RALGAPA1: variants seen among roughly 807,000 people sequenced by gnomAD.
The protein encoded by RALGAPA1 is Ral GTPase activating protein catalytic subunit alpha 1, also known as ral GTPase-activating protein subunit alpha-1.
A neutral mutation model predicts 269.6 loss-of-function variants in RALGAPA1; 52 were observed. The observed-to-expected ratio is 0.19, with a 90% confidence interval of 0.15 to 0.24. The LOEUF (loss-of-function observed/expected upper bound fraction) is 0.24. Among genes scored for constraint, RALGAPA1 ranks in the 10% least tolerant of loss-of-function variants. The probability of loss-of-function intolerance (pLI) is 1.00; values close to 1 mark genes in which losing one functional copy is unlikely to be tolerated. For synonymous variants in RALGAPA1, 817 were observed against 1,008.3 expected, an observed-to-expected ratio of 0.81 and a Z score of 3.60; for missense variants, 1,917 against 3,013.9, an observed-to-expected ratio of 0.64 and a Z score of 8.52.
At position 35,695,174 on chromosome 14, in the gene RALGAPA1, A is replaced by G. The variant is rs188183036; in HGVS notation, c.2407+4988T>C. On this transcript the variant is annotated intron_variant, in intron 17 of 41. Coordinates refer to ENST00000680220, the MANE Select transcript of RALGAPA1 (RefSeq NM_001346249.2). ...CTGGAGCCCAGGAGTTCCAGGCTGC[A>G]GTAAGCTAGGATGGCACCACAGCAA... 1.4e-3 allele frequency among the ~76,000 whole-genome samples: 213 copies of G among 152,210 alleles called. 4 individuals carry two copies. The highest frequency in any genetic ancestry group is 4.8e-3 in the African/African-American group (201 of 41,536).
intron 41 of RALGAPA1, among the ~76,000 whole-genome samples, chr14:35,540,213 G>A (rs2053841306): frequency 6.6e-6 from 1 of 152,134 alleles, no homozygotes; most frequent in Non-Finnish European, 1.5e-5. Context: ...AGCACTATGA[G>A]ATCATATACA....
Position 35,799,905 on chromosome 14 carries a change from T to C in RALGAPA1, c.106+8825A>G, listed in dbSNP as rs143388576. Among the ~76,000 whole-genome samples, 791 of 152,324 alleles carry C rather than the reference T, an allele frequency of 5.2e-3. 10 individuals are homozygous for C. Among genetic ancestry groups the C allele is most frequent in the African/African-American group, 0.018 (739 of 41,568 alleles). On this transcript the variant is annotated intron_variant, in intron 1 of 41. Transcript: ENST00000680220. ...GATTTAAAAGATGGGAATATATATA[T>C]ATCCTGCTAACACTAATCAAATGAA...
intron 33 of RALGAPA1, among the ~76,000 whole-genome samples, chr14:35,629,282 GGTGTGT>G (rs33989714): frequency 1.9e-4 from 27 of 145,368 alleles, no homozygotes; most frequent in African/African-American, 3.1e-4. Context: ...ATGTTTAGGG[GGTGTGT>G]GTGTGTGTGT....
intron 13 of RALGAPA1, among the ~76,000 whole-genome samples, chr14:35,726,456 T>G (rs1047302921): frequency 2.0e-5 from 3 of 152,184 alleles, no homozygotes; most frequent in African/African-American, 7.2e-5. Context: ...ATTTTCACTT[T>G]GTAATACAAT....
chr14:35,555,031 T>A (rs2055465280), intron 39 of RALGAPA1, among the ~76,000 whole-genome samples: 1 of 152,206 alleles, frequency 6.6e-6, no homozygotes, highest in African/African-American at 2.4e-5. Flanking sequence ...TAGTTGGAAC[T>A]TTCCTAGAAC....
At chr14:35,671,768 A>G (rs1224196154) in intron 25 of RALGAPA1, among the ~76,000 whole-genome samples, 2 of 152,158 alleles carry the variant, frequency 1.3e-5, no homozygotes, top group Non-Finnish European at 2.9e-5. Flanking sequence ...CACACTAGAG[A>G]TTAAGGAAGG....
At chr14:35,603,240 C>T (rs1311408194) in intron 36 of RALGAPA1, among the ~76,000 whole-genome samples, 1 of 152,090 alleles carries the variant, frequency 6.6e-6, no homozygotes, top group Non-Finnish European at 1.5e-5. Context: ...CTAACTTGTT[C>T]TTTTTCATGT....
chr14:35,618,972 T>C (rs2060431856), intron 35 of RALGAPA1, among the ~76,000 whole-genome samples: 1 of 149,788 alleles, frequency 6.7e-6, no homozygotes, highest in Non-Finnish European at 1.5e-5. Context: ...GAATATCCAA[T>C]CAAATACCAA....
intron 16 of RALGAPA1, chr14:35,716,091 A>G (rs1184080120): frequency 2.0e-6 from 2 of 984,744 alleles, no homozygotes; most frequent in African/African-American, 3.5e-5. Flanking sequence ...AAATTTTCAA[A>G]TGTAGAAAAA....
chr14:35,652,828 T>G (rs2062931294), intron 30 of RALGAPA1, among the ~76,000 whole-genome samples: 1 of 152,204 alleles, frequency 6.6e-6, no homozygotes, highest in South Asian at 2.1e-4. Flanking sequence ...TCATATACAG[T>G]GTTATCATTT....
chr14:35,691,827 T>C (rs749990777), intron 17 of RALGAPA1, among the ~76,000 whole-genome samples: 1 of 152,196 alleles, frequency 6.6e-6, no homozygotes, highest in Non-Finnish European at 1.5e-5. Context: ...AGGTTAAATA[T>C]ATAGTATCTC....
chr14:35,648,477 AAAG>A (rs200579649), intron 31 of RALGAPA1, among the ~76,000 whole-genome samples: 3,159 of 151,408 alleles, frequency 0.021, 100 homozygotes, highest in African/African-American at 0.072. Flanking sequence ...AAAAAAAAAA[AAAG>A]AAGAAGAAGA....
intron 36 of RALGAPA1, among the ~76,000 whole-genome samples, chr14:35,604,918 C>T (rs2059502069): frequency 6.6e-6 from 1 of 152,100 alleles, no homozygotes; most frequent in African/African-American, 2.4e-5. Flanking sequence ...ATCCTTATGA[C>T]AAATACCCAC....
At position 35,689,080 on chromosome 14, in the gene RALGAPA1, G is replaced by A. The variant is rs539397313; in HGVS notation, c.3331C>T (p.Arg1111Cys). Residue 1111 changes from arginine (R) to cysteine (C), a missense_variant, in exon 18 of 42, where the codon CGC becomes TGC. By Grantham distance (180) the Arg-to-Cys change is radical. Around this residue, in one of 11 missense-constraint regions of RALGAPA1, gnomAD observed 615 missense variants for 790.0 expected, o/e 0.78. Transcript: ENST00000680220. ...KKATLKAPVNRRMPHVTSTSK... is the reference protein window; with the variant it reads ...KKATLKAPVNCRMPHVTSTSK... ...GTACTTGTAACATGAGGCATTCTGCGGTTAACAGGTGCTTTTAGTGTTGCT... is the reference window on the plus strand; with the variant it reads ...GTACTTGTAACATGAGGCATTCTGCAGTTAACAGGTGCTTTTAGTGTTGCT... 8 of 1,236,054 alleles carry A rather than the reference G, an allele frequency of 6.5e-6. No homozygotes were observed. The highest frequency in any genetic ancestry group is 1.6e-5 in the African/African-American group (1 of 64,398). 76.6% of individuals were successfully genotyped at this position (1,236,054 alleles called of 1,614,324 possible).
chr14:35,689,159 CTT>C lies in RALGAPA1; in HGVS notation c.3250_3251del (p.Lys1084GlufsTer5). 3 of 1,234,234 alleles carry C rather than the reference CTT, an allele frequency of 2.4e-6. No individual in the cohort carries two copies. The highest frequency in any genetic ancestry group is 3.0e-6 in the Non-Finnish European group (3 of 989,364). 76.5% of individuals were successfully genotyped at this position (1,234,234 alleles called of 1,614,324 possible). A position where few individuals can be genotyped will look rare whatever the true frequency, so the allele number is the denominator to read the frequency against. ...CVDVTLVEKLKSVQINEKITV... is the reference protein window; with the variant it reads ...CVDVTLVEKLXSVQINEKITV... The stretch of plus-strand genomic sequence containing the variant: ...TGATTTTTTCATTAATTTGCACACT[CTT>C]AAGCTTTTCAACTAGTGTTACATCA... On this transcript the variant is annotated frameshift_variant, in exon 18 of 42. Transcript: ENST00000680220. LOFTEE classifies it high-confidence loss of function.
intron 37 of RALGAPA1, among the ~76,000 whole-genome samples, chr14:35,587,071 G>A (rs966347899): frequency 6.6e-5 from 10 of 152,132 alleles, no homozygotes; most frequent in South Asian, 2.1e-4. Context: ...GGTAGAATTC[G>A]GCTGTGAATC....
At chr14:35,610,712 G>A (rs2059878222) in intron 35 of RALGAPA1, among the ~76,000 whole-genome samples, 1 of 152,134 alleles carries the variant, frequency 6.6e-6, no homozygotes, top group Non-Finnish European at 1.5e-5. Flanking sequence ...TGCACATGAG[G>A]TGACTTTTTA....
intron 37 of RALGAPA1, among the ~76,000 whole-genome samples, chr14:35,578,092 C>A (rs1009684079): frequency 2.6e-5 from 4 of 152,262 alleles, no homozygotes; most frequent in African/African-American, 9.6e-5. Context: ...ATATTGAGAG[C>A]TGACCAAATG....
rs1477568030 is a variant in RALGAPA1, at chr14:35,685,122, A to G, written c.4101T>C (p.Ser1367=). The part of the protein sequence containing the change: ...NASTMTRRGS[S]PGSLEIPKDL... ...CTTTGGGAATTTCCAGGCTGCCTGGACTACTTCCTCTTCTTGTCATAGTCT... is the reference window on the plus strand; with the variant it reads ...CTTTGGGAATTTCCAGGCTGCCTGGGCTACTTCCTCTTCTTGTCATAGTCT... The change falls in exon 20 of 42, where the codon AGT becomes AGC. Residue 1367 remains serine, a synonymous_variant. Transcript: ENST00000680220. 1 of 1,564,898 alleles carries G rather than the reference A, an allele frequency of 6.4e-7. No homozygotes were observed.
Sources: allele counts gnomAD v4.1 joint callset (sites outside exome capture counted in the v4.1 genomes callset), GRCh38; gene constraint gnomAD v4.1.1; regional missense constraint gnomAD v4.1.1; transcripts MANE v1.5; gene names NCBI Gene and HGNC (gene_info 2026-07-23, HGNC 2026-07-21).